Variants in PCDH9 observed in about 807,000 individuals in gnomAD.
PCDH9 encodes protocadherin 9.
A neutral mutation model predicts 70.6 loss-of-function variants in PCDH9; 24 were observed. The ratio of observed to expected loss-of-function variants is 0.34; its 90% confidence interval spans 0.25 to 0.48. The LOEUF (loss-of-function observed/expected upper bound fraction) is 0.48, where lower values mean the gene tolerates loss of function less well. PCDH9 is among the 20% of genes least tolerant of loss of function. The pLI is 0.99. For synonymous variants in PCDH9, 562 were observed against 558.5 expected (o/e 1.01, Z -0.09); for missense variants, 1,281 against 1,503.6 (o/e 0.85, Z 2.45).
rs754344961 is a variant in PCDH9 at position 67,225,599 on chromosome 13, A to G, written c.2842T>C (p.Phe948Leu). The G allele has an allele frequency of 1.4e-5, 23 of 1,614,050 alleles. No homozygotes were observed. The highest frequency in any genetic ancestry group is 1.8e-5 in the Non-Finnish European group (21 of 1,180,042). Residue 948 changes from phenylalanine (F) to leucine (L), a missense_variant, in exon 2 of 5, where the codon TTT becomes CTT. Around this residue, in one of 4 missense-constraint regions of PCDH9, gnomAD observed 207 missense variants for 191.8 expected, o/e 1.08. Transcript: ENST00000377865. ...HYKSASPQPA[F>L]HLKPDTPVSV... Reference sequence around the variant, plus strand: ...ACTGGAGTGTCTGGTTTGAGATGAAAAGCAGGCTGTGGAGAAGCAGATTTG... The same window carrying G: ...ACTGGAGTGTCTGGTTTGAGATGAAGAGCAGGCTGTGGAGAAGCAGATTTG...
chr13:66,920,901 T>C (rs747659121), intron 2 of PCDH9, among the ~76,000 whole-genome samples: 1 of 151,208 alleles, frequency 6.6e-6, no homozygotes, highest in Non-Finnish European at 1.5e-5. Context: ...CTTCTTCCTA[T>C]GAATGTCTCT....
intron 2 of PCDH9, among the ~76,000 whole-genome samples, chr13:67,107,629 T>C (rs1312372049): frequency 6.6e-6 from 1 of 152,158 alleles, no homozygotes; most frequent in Admixed American, 6.5e-5. Context: ...AGCTGTTCTG[T>C]TGCTCAATGA....
chr13:66,780,375 T>A (rs1404048181), intron 3 of PCDH9, among the ~76,000 whole-genome samples: 11 of 152,192 alleles, frequency 7.2e-5, no homozygotes, highest in Admixed American at 7.2e-4. Flanking sequence ...GAAAGCATGG[T>A]CATATGAGGC....
chr13:66,776,617 A>G (rs557267541), intron 3 of PCDH9, among the ~76,000 whole-genome samples: 37 of 152,302 alleles, frequency 2.4e-4, no homozygotes, highest in South Asian at 2.3e-3. Context: ...CCACTGCTCA[A>G]TGATATAAAA....
At chr13:66,944,098 T>C (rs962665933) in intron 2 of PCDH9, among the ~76,000 whole-genome samples, 1 of 152,308 alleles carries the variant, frequency 6.6e-6, no homozygotes, top group South Asian at 2.1e-4. Context: ...ATCAAACATA[T>C]GTTTTGTGCA....
At chr13:67,126,682 C>T (rs533408424) in intron 2 of PCDH9, among the ~76,000 whole-genome samples, 1 of 152,224 alleles carries the variant, frequency 6.6e-6, no homozygotes, top group South Asian at 2.1e-4. Flanking sequence ...AACCCCATCT[C>T]TACTAAAAAT....
intron 3 of PCDH9, among the ~76,000 whole-genome samples, chr13:66,648,991 T>G (rs2077812199): frequency 6.6e-6 from 1 of 152,024 alleles, no homozygotes; most frequent in African/African-American, 2.4e-5. Context: ...GAAGACATGC[T>G]ACTTAAAAAT....
chr13:66,406,549 A>G (rs1191266344), intron 4 of PCDH9, among the ~76,000 whole-genome samples: 2 of 152,178 alleles, frequency 1.3e-5, no homozygotes, highest in Non-Finnish European at 2.9e-5. Flanking sequence ...TCTGTTATTT[A>G]CCCTTGAGAA....
Position 66,811,352 on chromosome 13 carries a change from T to C in PCDH9, c.3138+92152A>G, listed in dbSNP as rs181414191. ...TGCTATTAAGGCCCTTGTGGTCCTA[T>C]ATTAAGCACCTTCCTGTGCACCAGG... On this transcript the variant is annotated intron_variant, in intron 3 of 4. Transcript: ENST00000377865. Among the ~76,000 whole-genome samples, 565 of 152,306 alleles carry C rather than the reference T, an allele frequency of 3.7e-3. 3 individuals are homozygous for C. Among genetic ancestry groups the C allele is most frequent in the African/African-American group, 0.013 (536 of 41,580 alleles).
intron 2 of PCDH9, among the ~76,000 whole-genome samples, chr13:66,979,891 G>T (rs1037869781): frequency 2.6e-5 from 4 of 151,810 alleles, no homozygotes; most frequent in African/African-American, 9.7e-5. Flanking sequence ...TCCACCATCT[G>T]CTATTTACCT....
chr13:66,788,117 T>C (rs1182940465), intron 3 of PCDH9, among the ~76,000 whole-genome samples: 1 of 152,144 alleles, frequency 6.6e-6, no homozygotes, highest in African/African-American at 2.4e-5. Flanking sequence ...ATAAACACCA[T>C]AATTTATTTC....
At chr13:66,806,350 A>G (rs2080409827) in intron 3 of PCDH9, among the ~76,000 whole-genome samples, 1 of 152,164 alleles carries the variant, frequency 6.6e-6, no homozygotes, top group Non-Finnish European at 1.5e-5. Flanking sequence ...TGACTAATTC[A>G]TGGATTGGAA....
intron 4 of PCDH9, among the ~76,000 whole-genome samples, chr13:66,446,446 G>A (rs1425517455): frequency 6.6e-6 from 1 of 152,040 alleles, no homozygotes; most frequent in Non-Finnish European, 1.5e-5. Flanking sequence ...TCTGAAAGAT[G>A]AGTAGGAAAA....
intron 4 of PCDH9, among the ~76,000 whole-genome samples, chr13:66,477,640 A>G (rs1748234994): frequency 6.6e-6 from 1 of 152,174 alleles, no homozygotes; most frequent in Non-Finnish European, 1.5e-5. Flanking sequence ...GTGTTTGTGA[A>G]GATTAAAATA....
intron 4 of PCDH9, chr13:66,323,127 T>C (rs1955783687): frequency 6.6e-6 from 1 of 152,064 alleles, no homozygotes; most frequent in East Asian, 1.9e-4. Flanking sequence ...ATATGTAACA[T>C]GACTTGTCAA....
chr13:66,708,155 T>C (rs2078739519), intron 3 of PCDH9, among the ~76,000 whole-genome samples: 1 of 151,122 alleles, frequency 6.6e-6, no homozygotes, highest in Non-Finnish European at 1.5e-5. Context: ...GTTCACGCCA[T>C]TCTCCTGCCT....
At chr13:66,723,448 A>T (rs1038145658) in intron 3 of PCDH9, among the ~76,000 whole-genome samples, 1 of 152,228 alleles carries the variant, frequency 6.6e-6, no homozygotes, top group Non-Finnish European at 1.5e-5. Flanking sequence ...ATATAGGAAA[A>T]TTATACTAAA....
intron 2 of PCDH9, among the ~76,000 whole-genome samples, chr13:67,120,029 C>A (rs889973581): frequency 6.6e-6 from 1 of 151,978 alleles, no homozygotes; most frequent in African/African-American, 2.4e-5. Flanking sequence ...TAAAACATCA[C>A]TTCTTTAATC....
At chr13:66,536,677 G>C (rs1040371652) in intron 4 of PCDH9, among the ~76,000 whole-genome samples, 1 of 152,018 alleles carries the variant, frequency 6.6e-6, no homozygotes, top group Non-Finnish European at 1.5e-5. Flanking sequence ...AATAGATATA[G>C]CTTCTGAAAA....
Sources: gnomAD v4.1 joint callset for allele counts (sites outside exome capture counted in the v4.1 genomes callset) on GRCh38, gnomAD v4.1.1 for gene constraint, gnomAD v4.1.1 regional missense constraint, MANE v1.5 for transcripts, NCBI Gene and HGNC (gene_info 2026-07-23, HGNC 2026-07-21) for gene names.